Variants in SYT9 observed in about 807,000 individuals in gnomAD.
SYT9 encodes the protein synaptotagmin-9.
A neutral mutation model predicts 48.4 loss-of-function variants in SYT9; 22 were observed. That is an observed-to-expected ratio of 0.45 (90% CI 0.32 to 0.65). The LOEUF is 0.65. Ranked by LOEUF, SYT9 falls within the 30% of genes least tolerant of loss-of-function variation. The pLI, the probability that SYT9 is intolerant of heterozygous loss-of-function variation, is 0.03. For synonymous variants in SYT9, 265 were observed against 245.0 expected, an observed-to-expected ratio of 1.08 and a Z score of -0.76; for missense variants, 577 against 622.0, an observed-to-expected ratio of 0.93 and a Z score of 0.77.
intron 3 of SYT9, among the ~76,000 whole-genome samples, chr11:7,331,014 G>C (rs1321355969): frequency 6.6e-6 from 1 of 151,824 alleles, no homozygotes; most frequent in Non-Finnish European, 1.5e-5. Context: ...GGCCAGGCTG[G>C]TCTCGAACTC....
intron 3 of SYT9, among the ~76,000 whole-genome samples, chr11:7,404,730 CA>C (rs1474301245): frequency 6.6e-6 from 1 of 152,080 alleles, no homozygotes; most frequent in Non-Finnish European, 1.5e-5. Flanking sequence ...TGGACAAGGG[CA>C]TGAATGCTTT....
At chr11:7,242,364 A>G (rs1847748965) in intron 1 of SYT9, among the ~76,000 whole-genome samples, 1 of 152,192 alleles carries the variant, frequency 6.6e-6, no homozygotes, top group African/African-American at 2.4e-5. Context: ...CAGGAGTCAT[A>G]CTGCCCATCT....
At chr11:7,352,011 T>C (rs972873330) in intron 3 of SYT9, among the ~76,000 whole-genome samples, 1 of 152,162 alleles carries the variant, frequency 6.6e-6, no homozygotes, top group African/African-American at 2.4e-5. Flanking sequence ...CTTCCTTTTC[T>C]TTGCAGGTCT....
chr11:7,458,502 T>TAA (rs1334535604), intron 6 of SYT9, among the ~76,000 whole-genome samples: 2 of 123,652 alleles, frequency 1.6e-5, no homozygotes, highest in African/African-American at 7.4e-5. Context: ...ATTAATTAAT[T>TAA]TAATTTAATA....
At chr11:7,429,369 C>T (rs569331943) in intron 6 of SYT9, among the ~76,000 whole-genome samples, 1 of 152,148 alleles carries the variant, frequency 6.6e-6, no homozygotes, top group African/African-American at 2.4e-5. Context: ...GCACTATATA[C>T]CCTGGGAGCA....
At chr11:7,246,776 T>C (rs1463968366) in intron 1 of SYT9, among the ~76,000 whole-genome samples, 8 of 152,202 alleles carry the variant, frequency 5.3e-5, no homozygotes, top group Non-Finnish European at 1.2e-4. Context: ...GCTTCACTTA[T>C]TGTCTGCTGT....
chr11:7,257,790 C>A (rs1848001382), intron 1 of SYT9, among the ~76,000 whole-genome samples: 1 of 152,156 alleles, frequency 6.6e-6, no homozygotes, highest in Admixed American at 6.5e-5. Context: ...GGTGACATTT[C>A]AGGGCTCCTT....
Position 7,384,388 on chromosome 11 carries a change from AG to A in SYT9, c.1045-31653del, listed in dbSNP as rs946025194. Reference sequence around the variant, plus strand: ...AAACTGAGTTCTTGATCTCTCCCATAGTCCAGTACTTCTCCCCCTCCACTTG... The same window carrying A: ...AAACTGAGTTCTTGATCTCTCCCATATCCAGTACTTCTCCCCCTCCACTTG... On this transcript the variant is annotated intron_variant, in intron 3 of 6. Coordinates refer to ENST00000318881, the MANE Select transcript of SYT9 (RefSeq NM_175733.4). 2.2e-3 allele frequency among the ~76,000 whole-genome samples: 341 copies of A among 152,278 alleles called. 1 individual carries two copies. Among genetic ancestry groups the A allele is most frequent in the African/African-American group, 7.9e-3 (330 of 41,534 alleles).
intron 3 of SYT9, among the ~76,000 whole-genome samples, chr11:7,382,095 T>A (rs1474118597): frequency 6.6e-6 from 1 of 152,188 alleles, no homozygotes; most frequent in Non-Finnish European, 1.5e-5. Flanking sequence ...AGTGTAGGCA[T>A]GAGGATATGT....
chr11:7,347,392 C>T (rs773125632), intron 3 of SYT9, among the ~76,000 whole-genome samples: 1 of 152,066 alleles, frequency 6.6e-6, no homozygotes, highest in South Asian at 2.1e-4. Context: ...CCACTGTACC[C>T]GGCTAATTTT....
intron 1 of SYT9, among the ~76,000 whole-genome samples, chr11:7,298,113 T>C (rs1251041530): frequency 1.3e-5 from 2 of 152,172 alleles, no homozygotes; most frequent in Non-Finnish European, 1.5e-5. Flanking sequence ...TCATTCTCTC[T>C]GTCCTCACTT....
Position 7,383,888 on chromosome 11 carries a change from G to T in SYT9, c.1045-32154G>T, listed in dbSNP as rs1850610131. On this transcript the variant is annotated intron_variant, in intron 3 of 6. Transcript: ENST00000318881. ...TAAATACAAGTGAAGTCATCTTTTG[G>T]GTTAGACTTCTAACCTCAATTCCCT... Among the ~76,000 whole-genome samples, 3 of 151,866 alleles carry T rather than the reference G, an allele frequency of 2.0e-5. No homozygotes were observed. The South Asian group carries it at 6.2e-4, about 32-fold the overall frequency.
At chr11:7,358,891 G>A (rs1231828924) in intron 3 of SYT9, among the ~76,000 whole-genome samples, 4 of 151,840 alleles carry the variant, frequency 2.6e-5, no homozygotes, top group Admixed American at 2.0e-4. Flanking sequence ...GGGTACATGT[G>A]CACAATGTGC....
At chr11:7,249,402 TG>T (rs1847831701), upstream of SYT9, among the ~76,000 whole-genome samples, 1 of 152,168 alleles carries the variant, frequency 6.6e-6, no homozygotes, top group South Asian at 2.1e-4. Flanking sequence ...CTTGACTTCT[TG>T]ATGGGAAGAG....
chr11:7,328,252 A>G (rs987475407), intron 3 of SYT9, among the ~76,000 whole-genome samples: 2 of 152,008 alleles, frequency 1.3e-5, no homozygotes. Flanking sequence ...TTGACTTCTA[A>G]CAAGTGAGAT....
rs201974579 is a variant in SYT9 at position 7,255,106 on chromosome 11, C to T, written c.145+2775C>T. 5.9e-5 allele frequency among the ~76,000 whole-genome samples: 9 copies of T among 152,274 alleles called. No homozygotes were observed. The East Asian group carries it at 9.6e-4, about 16-fold the overall frequency. Reference sequence around the variant, plus strand: ...GAAAGGAAAGTGCTGAGTGTGAGCACTTTTGTCCATAGAAAGCAATTAGAA... The same window carrying T: ...GAAAGGAAAGTGCTGAGTGTGAGCATTTTTGTCCATAGAAAGCAATTAGAA... On this transcript the variant is annotated intron_variant, in intron 1 of 6. Coordinates refer to ENST00000318881, the MANE Select transcript of SYT9 (RefSeq NM_175733.4).
chr11:7,321,871 T>C (rs1369311204), intron 3 of SYT9, among the ~76,000 whole-genome samples: 2 of 152,210 alleles, frequency 1.3e-5, no homozygotes, highest in Non-Finnish European at 2.9e-5. Flanking sequence ...GTTGTTGCCA[T>C]GGCATTTGTA....
At chr11:7,339,551 T>A (rs1405314865) in intron 3 of SYT9, among the ~76,000 whole-genome samples, 1 of 152,220 alleles carries the variant, frequency 6.6e-6, no homozygotes, top group Non-Finnish European at 1.5e-5. Flanking sequence ...GGTCTGGTGA[T>A]AACAGACTCC....
chr11:7,349,382 A>ACACACACACACAC (rs1849864857), intron 3 of SYT9, among the ~76,000 whole-genome samples: 5 of 148,160 alleles, frequency 3.4e-5, no homozygotes, highest in South Asian at 2.2e-4. Flanking sequence ...AAAATATACA[A>ACACACACACACAC]ACACACACAC....
Sources: allele counts gnomAD v4.1 joint callset (sites outside exome capture counted in the v4.1 genomes callset), GRCh38; gene constraint gnomAD v4.1.1; transcripts MANE v1.5; gene names NCBI Gene and HGNC (gene_info 2026-07-23, HGNC 2026-07-21).